The following MMP26 variants were observed in gnomAD, a reference collection of about 807,000 sequenced individuals.
The protein encoded by MMP26 is matrix metalloproteinase-26.
MMP26 carries 33 observed loss-of-function variants against 31.0 expected under a neutral mutation model. That is an observed-to-expected ratio of 1.06 (90% confidence interval 0.81 to 1.42). MMP26 has a LOEUF of 1.42. MMP26 is among the 40% of genes most tolerant of loss of function. The pLI is 0.00. For missense variants in MMP26, 347 were observed against 316.1 expected (o/e 1.10, Z -0.74); for synonymous variants, 122 against 114.9 (o/e 1.06, Z -0.40).
At chr11:4,864,389 T>C (rs1850206990) in intron 2 of MMP26, among the ~76,000 whole-genome samples, 1 of 152,190 alleles carries the variant, frequency 6.6e-6, no homozygotes, top group South Asian at 2.1e-4. Context: ...CACATATTTA[T>C]GCCCTTTTGA....
chr11:4,901,149 C>CTTTTTTTTTTTT (rs55678976), intron 2 of MMP26, among the ~76,000 whole-genome samples: 1 of 84,518 alleles, frequency 1.2e-5, no homozygotes, highest in Non-Finnish European at 2.2e-5. Context: ...CCTCTTTGTG[C>CTTTTTTTTTTTT]TTTTTTTTTT....
At chr11:4,933,336 C>A (rs1336885660) in intron 2 of MMP26, among the ~76,000 whole-genome samples, 2 of 152,068 alleles carry the variant, frequency 1.3e-5, no homozygotes, top group South Asian at 2.1e-4. Flanking sequence ...AAAAGGCGGA[C>A]AATCACTAGT....
chr11:4,838,012 C>CATAGT (rs1182070446), intron 2 of MMP26, among the ~76,000 whole-genome samples: 1 of 151,840 alleles, frequency 6.6e-6, no homozygotes, highest in Admixed American at 6.6e-5. Context: ...CATTCTCTGA[C>CATAGT]ATAGTATAGA....
chr11:4,741,750 A>G lies in MMP26; in HGVS notation c.-216-25520A>G, dbSNP rs1044925758. ...TGTGACAAACCGGCACATTCTGCACATGTATCCTGGAACTTAAAGTAAAAT... is the reference window on the plus strand; with the variant it reads ...TGTGACAAACCGGCACATTCTGCACGTGTATCCTGGAACTTAAAGTAAAAT... On this transcript the variant is annotated intron_variant, in intron 1 of 7. Transcript: ENST00000380390. Among the ~76,000 whole-genome samples, 3 of 152,234 alleles carry G rather than the reference A, an allele frequency of 2.0e-5. No homozygotes were observed. In the South Asian group the frequency reaches 6.2e-4, roughly 32 times the overall value.
intron 2 of MMP26, among the ~76,000 whole-genome samples, chr11:4,851,612 AATTATATAT>A (rs1236021333): frequency 2.0e-4 from 31 of 152,146 alleles, no homozygotes; most frequent in African/African-American, 7.0e-4. Flanking sequence ...TTGTCGAGTA[AATTATATAT>A]ATTATATATG....
At chr11:4,790,256 T>C (rs1849007154) in intron 2 of MMP26, among the ~76,000 whole-genome samples, 1 of 150,498 alleles carries the variant, frequency 6.6e-6, no homozygotes, top group Non-Finnish European at 1.5e-5. Context: ...CAGGAGAATC[T>C]CTTAAACCTG....
chr11:4,869,247 C>T (rs1013541469), intron 2 of MMP26, among the ~76,000 whole-genome samples: 1 of 151,860 alleles, frequency 6.6e-6, no homozygotes, highest in African/African-American at 2.4e-5. Flanking sequence ...AGCTTCTGCA[C>T]AGCAAAAGAA....
rs781303024 is a variant in MMP26, at chr11:4,989,809, G to A, written c.261G>A (p.Gly87=). The A allele has an allele frequency of 1.2e-6, 2 of 1,613,460 alleles. No homozygotes were observed. The change falls in exon 4 of 8, where the codon GGG becomes GGA. Residue 87 remains glycine (G), a synonymous_variant. Coordinates refer to ENST00000380390, the MANE Select transcript of MMP26 (RefSeq NM_021801.5). ...AGCCCCACTGTGGGGTGCCTGATGG[G>A]TCCGACACCTCCATCTCGCCAGGAA... The part of the protein sequence containing the change: ...LHQPHCGVPD[G]SDTSISPGRC...
chr11:4,954,988 A>G (rs762548531), intron 2 of MMP26: 8 of 1,376,580 alleles, frequency 5.8e-6, no homozygotes, highest in Non-Finnish European at 8.0e-6. Flanking sequence ...TGTGTGAAAC[A>G]CAAGTATTGA....
chr11:4,781,798 G>A (rs1427833871), intron 2 of MMP26, among the ~76,000 whole-genome samples: 2 of 152,066 alleles, frequency 1.3e-5, no homozygotes, highest in South Asian at 2.1e-4. Flanking sequence ...AATTATGGGG[G>A]CAGGTCTTTC....
At chr11:4,925,938 A>G (rs1275103894) in intron 2 of MMP26, among the ~76,000 whole-genome samples, 1 of 152,122 alleles carries the variant, frequency 6.6e-6, no homozygotes, top group Non-Finnish European at 1.5e-5. Context: ...GGATTAAGTA[A>G]AAAGTTTATA....
chr11:4,723,214 G>C, intron 1 of MMP26: 1 of 1,444,360 alleles, frequency 6.9e-7, no homozygotes, highest in Non-Finnish European at 9.7e-7. Flanking sequence ...TCTGGCCTTT[G>C]AGGCCCTCAA....
At chr11:4,952,778 T>A (rs1403904037) in intron 2 of MMP26, among the ~76,000 whole-genome samples, 1 of 125,136 alleles carries the variant, frequency 8.0e-6, no homozygotes, top group East Asian at 2.3e-4. Context: ...ATAGCTTTTT[T>A]AAAATGCCTA....
At chr11:4,733,140 C>A (rs546340333) in intron 1 of MMP26, among the ~76,000 whole-genome samples, 2 of 152,130 alleles carry the variant, frequency 1.3e-5, no homozygotes, top group South Asian at 2.1e-4. Flanking sequence ...CTTCTGGAAC[C>A]CTTAAAATTC....
chr11:4,819,320 G>T (rs1849461783), intron 2 of MMP26, among the ~76,000 whole-genome samples: 1 of 152,082 alleles, frequency 6.6e-6, no homozygotes, highest in South Asian at 2.1e-4. Context: ...AATTTTACAA[G>T]TGACTTGAGA....
At chr11:4,859,804 T>C (rs1413101384) in intron 2 of MMP26, 2 of 471,380 alleles carry the variant, frequency 4.2e-6, no homozygotes, top group South Asian at 1.5e-5. Flanking sequence ...AAAAGGAACA[T>C]AGAAGAGGAG....
chr11:4,760,194 C>G (rs79116663), intron 1 of MMP26, among the ~76,000 whole-genome samples: 3,269 of 152,252 alleles, frequency 0.021, 114 homozygotes, highest in African/African-American at 0.073. Flanking sequence ...TATGATTTGT[C>G]AAAGCAGTGA....
intron 1 of MMP26, among the ~76,000 whole-genome samples, chr11:4,763,061 T>G (rs1848587295): frequency 6.6e-6 from 1 of 152,196 alleles, no homozygotes; most frequent in South Asian, 2.1e-4. Flanking sequence ...ATAATTCCAT[T>G]ATAAGATTAA....
intron 1 of MMP26, among the ~76,000 whole-genome samples, chr11:4,709,143 C>G (rs1439678638): frequency 1.3e-5 from 2 of 151,936 alleles, no homozygotes; most frequent in Non-Finnish European, 2.9e-5. Flanking sequence ...GGGTTTTTGC[C>G]GCAGAAACTG....
Sources: allele counts gnomAD v4.1 joint callset (sites outside exome capture counted in the v4.1 genomes callset), GRCh38; gene constraint gnomAD v4.1.1; transcripts MANE v1.5; gene names NCBI Gene and HGNC (gene_info 2026-07-23, HGNC 2026-07-21).